The following SOX5 variants were observed in gnomAD, a reference collection of about 807,000 sequenced individuals.
SOX5 encodes the protein transcription factor SOX-5.
A neutral mutation model predicts 92.0 loss-of-function variants in SOX5; 9 were observed. The ratio of observed to expected loss-of-function variants is 0.10; its 90% CI spans 0.06 to 0.17. The LOEUF (loss-of-function observed/expected upper bound fraction) is 0.17, where lower values mean the gene tolerates loss of function less well. Ranked by LOEUF, SOX5 falls within the 10% of genes least tolerant of loss-of-function variation. The pLI, the probability that SOX5 is intolerant of heterozygous loss-of-function variation, is 1.00. For missense variants in SOX5, 642 were observed against 944.5 expected (o/e 0.68, Z 4.20); for synonymous variants, 344 against 336.3 (o/e 1.02, Z -0.25).
intron 4 of SOX5, among the ~76,000 whole-genome samples, chr12:24,036,279 A>G (rs576469191): frequency 1.2e-3 from 182 of 152,252 alleles, no homozygotes; most frequent in Non-Finnish European, 2.4e-3. Flanking sequence ...GCCATTGCCC[A>G]GTGCCTCCTG....
At chr12:24,110,284 T>C (rs1435010242) in intron 4 of SOX5, among the ~76,000 whole-genome samples, 1 of 152,198 alleles carries the variant, frequency 6.6e-6, no homozygotes, top group African/African-American at 2.4e-5. Flanking sequence ...TGAGTTGCTA[T>C]CATGTAAGAG....
chr12:24,150,542 C>T (rs1951550919), intron 4 of SOX5, among the ~76,000 whole-genome samples: 1 of 151,994 alleles, frequency 6.6e-6, no homozygotes, highest in South Asian at 2.1e-4. Flanking sequence ...AATGAAATTA[C>T]TCAAAGAAAA....
intron 6 of SOX5, among the ~76,000 whole-genome samples, chr12:23,667,217 G>A (rs1172736803): frequency 6.6e-6 from 1 of 151,918 alleles, no homozygotes; most frequent in Non-Finnish European, 1.5e-5. Flanking sequence ...CATTATATAG[G>A]GAAAGTTTTA....
intron 3 of SOX5, among the ~76,000 whole-genome samples, chr12:23,797,473 A>AG (rs771868236): frequency 6.6e-6 from 1 of 151,970 alleles, no homozygotes; most frequent in Non-Finnish European, 1.5e-5. Flanking sequence ...TGAAAGACAG[A>AG]CTTCAAAGTG....
intron 3 of SOX5, among the ~76,000 whole-genome samples, chr12:24,252,930 G>T (rs189017956): frequency 2.0e-5 from 3 of 152,134 alleles, no homozygotes; most frequent in Non-Finnish European, 4.4e-5. Context: ...TCCCTCTGCT[G>T]ATAAATCGAT....
rs189574342 is a variant in SOX5 at position 23,998,668 on chromosome 12, G to T, written c.-1-102644C>A. 1.6e-4 allele frequency among the ~76,000 whole-genome samples: 24 copies of T among 151,966 alleles called. No individual in the cohort carries two copies. The East Asian group carries it at 4.5e-3, about 28-fold the overall frequency. ...AATACAAAAATTAGCCGGGCATGGT[G>T]GCTGGGGCTTGTAATCCCAGCTCCT... On this transcript the variant is annotated intron_variant, in intron 4 of 4. Transcript: ENST00000446891.
chr12:24,006,995 T>C (rs1420955674), intron 4 of SOX5, among the ~76,000 whole-genome samples: 3 of 150,938 alleles, frequency 2.0e-5, no homozygotes. Flanking sequence ...TGGCCGGGCA[T>C]GATGACGCAT....
chr12:23,879,570 G>A (rs778809933), intron 2 of SOX5, among the ~76,000 whole-genome samples: 1 of 152,136 alleles, frequency 6.6e-6, no homozygotes, highest in Non-Finnish European at 1.5e-5. Context: ...TGGTACCAGG[G>A]CATCATAGGA....
Position 23,716,415 on chromosome 12 carries a change from G to T in SOX5, c.810+18269C>A, listed in dbSNP as rs1279815993. 2.6e-5 allele frequency among the ~76,000 whole-genome samples: 4 copies of T among 151,988 alleles called. No individual in the cohort carries two copies. In the East Asian group the frequency reaches 7.7e-4, roughly 29 times the overall value. ...AAATGTGTTGTAAGGCATAATACTG[G>T]GACAGTCGATTATGATCAAGCAAAC... On this transcript the variant is annotated intron_variant, in intron 6 of 14. Coordinates refer to ENST00000451604, the MANE Select transcript of SOX5 (RefSeq NM_006940.6).
chr12:24,231,118 A>C (rs1487419238), intron 3 of SOX5, among the ~76,000 whole-genome samples: 1 of 152,240 alleles, frequency 6.6e-6, no homozygotes, highest in African/African-American at 2.4e-5. Flanking sequence ...GACCTTTGTT[A>C]TTTCATATTG....
Position 24,543,665 on chromosome 12 carries a change from G to A in SOX5, c.-251+18664C>T, listed in dbSNP as rs550167787. On this transcript the variant is annotated intron_variant, in intron 1 of 4. Transcript: ENST00000446891. ...ATTATGCCACTGCACTCCAGCCTGG[G>A]TGACAGAGTGAGACCCTGGCTCAAA... Among the ~76,000 whole-genome samples, 3 of 152,336 alleles carry A rather than the reference G, an allele frequency of 2.0e-5. No homozygotes were observed. In the East Asian group the frequency reaches 5.8e-4, roughly 29 times the overall value.
chr12:24,198,582 C>T (rs979110965), intron 4 of SOX5, among the ~76,000 whole-genome samples: 12 of 152,088 alleles, frequency 7.9e-5, no homozygotes, highest in Admixed American at 6.5e-5. Context: ...ACTAATAACC[C>T]GATCCATTAA....
At chr12:24,361,620 T>A (rs1343851831) in intron 2 of SOX5, among the ~76,000 whole-genome samples, 1 of 151,670 alleles carries the variant, frequency 6.6e-6, no homozygotes, top group Non-Finnish European at 1.5e-5. Flanking sequence ...TTTGTGTGTG[T>A]GTGTGTGTGT....
At chr12:24,536,997 G>A (rs1051640482) in intron 1 of SOX5, among the ~76,000 whole-genome samples, 3 of 152,054 alleles carry the variant, frequency 2.0e-5, no homozygotes, top group Non-Finnish European at 2.9e-5. Context: ...TCATTCTTCC[G>A]TGTGCATTTT....
intron 4 of SOX5, among the ~76,000 whole-genome samples, chr12:24,171,031 G>C (rs1461494058): frequency 1.3e-5 from 2 of 151,874 alleles, no homozygotes; most frequent in African/African-American, 2.4e-5. Flanking sequence ...GTGGTCCTAG[G>C]TAGGCTTGGT....
chr12:24,411,565 G>C (rs889356620), intron 1 of SOX5, among the ~76,000 whole-genome samples: 1 of 152,258 alleles, frequency 6.6e-6, no homozygotes, highest in African/African-American at 2.4e-5. Context: ...TTATAGCATT[G>C]TGTGATGTTT....
chr12:23,859,184 G>T (rs987081334), intron 2 of SOX5, among the ~76,000 whole-genome samples: 7 of 152,148 alleles, frequency 4.6e-5, no homozygotes, highest in African/African-American at 1.7e-4. Context: ...GCTGCCTGTG[G>T]GGTCGGGCAG....
intron 1 of SOX5, among the ~76,000 whole-genome samples, chr12:23,902,257 A>G (rs940036411): frequency 6.6e-5 from 10 of 152,142 alleles, no homozygotes; most frequent in Non-Finnish European, 1.3e-4. Context: ...AAAATGAAAG[A>G]CTCAGAATAG....
intron 1 of SOX5, among the ~76,000 whole-genome samples, chr12:24,420,856 T>C (rs1965802011): frequency 6.6e-6 from 1 of 152,214 alleles, no homozygotes; most frequent in African/African-American, 2.4e-5. Flanking sequence ...ATCAACTCTC[T>C]GGAGCCAGCT....
Sources: allele counts gnomAD v4.1 joint callset (sites outside exome capture counted in the v4.1 genomes callset), GRCh38; gene constraint gnomAD v4.1.1; transcripts MANE v1.5; gene names NCBI Gene and HGNC (gene_info 2026-07-23, HGNC 2026-07-21).